The following NDE1 variants were observed in gnomAD, a reference collection of about 807,000 sequenced individuals.
NDE1 encodes the protein nudE neurodevelopment protein 1, also known as nuclear distribution protein nudE homolog 1.
A neutral mutation model predicts 43.4 loss-of-function variants in NDE1; 28 were observed. The observed-to-expected ratio is 0.65, with a 90% CI of 0.48 to 0.89. NDE1 has a LOEUF of 0.89. Among genes scored for constraint, NDE1 ranks in the 40% least tolerant of loss-of-function variants. The pLI is 0.00. For synonymous variants in NDE1, 184 were observed against 172.0 expected, an observed-to-expected ratio of 1.07 and a Z score of -0.55; for missense variants, 441 against 434.1, an observed-to-expected ratio of 1.02 and a Z score of -0.14.
At chr16:15,705,577 C>T (rs1034954411) in intron 8 of NDE1, among the ~76,000 whole-genome samples, 6 of 152,186 alleles carry the variant, frequency 3.9e-5, no homozygotes, top group African/African-American at 1.4e-4. Context: ...AATCGGAAGA[C>T]AGGTCTTATT....
Position 15,725,151 on chromosome 16 carries a change from ACACACACACAC to A in NDE1, c.*901_*911del. On this transcript the variant is annotated 3_prime_UTR_variant, in exon 9 of 9. Transcript: ENST00000396354. Reference sequence around the variant, plus strand: ...GACTCTGATAAAAAAAAAAAAAAACACACACACACACAAAAAAAACAGAATCTGTGGCTTGA... The same window carrying A: ...GACTCTGATAAAAAAAAAAAAAAACAAAAAAAAACAGAATCTGTGGCTTGA... 1 of 641,768 alleles carries A rather than the reference ACACACACACAC, an allele frequency of 1.6e-6. No homozygotes were observed. Among genetic ancestry groups the A allele is most frequent in the East Asian group, 2.7e-5 (1 of 36,692 alleles). The allele number at this position is 641,768 out of a possible 1,614,324, so 39.8% of individuals were successfully genotyped here. A position where few individuals can be genotyped will look rare whatever the true frequency, so the allele number is the denominator to read the frequency against.
chr16:15,681,384 C>T (rs1463014027), intron 4 of NDE1, among the ~76,000 whole-genome samples: 1 of 149,246 alleles, frequency 6.7e-6, no homozygotes, highest in African/African-American at 2.5e-5. Flanking sequence ...CCCACCTCAG[C>T]CTCCTGAGTG....
At chr16:15,701,321 G>C (rs1001555844) in intron 8 of NDE1, 4 of 151,848 alleles carry the variant, frequency 2.6e-5, no homozygotes, top group Admixed American at 1.3e-4. Context: ...AGGTGCGTTC[G>C]AGTTTTCAGA....
intron 8 of NDE1, among the ~76,000 whole-genome samples, chr16:15,702,391 GGGTGGT>G (rs557243865): frequency 6.6e-6 from 1 of 152,122 alleles, no homozygotes; most frequent in Non-Finnish European, 1.5e-5. Context: ...CTGGCTGGGT[GGGTGGT>G]GGTGGTGGTG....
Position 15,720,944 on chromosome 16 carries a change from T to G in NDE1, c.948-3247T>G. ...CCTGCATGTTGACTTCCAGCCGCAG[T>G]TTGGCGTCCTCCGTGGCTTGCAGCT... On this transcript the variant is annotated intron_variant, in intron 8 of 8. Transcript: ENST00000396354. The G allele has an allele frequency of 1.2e-6, 2 of 1,614,040 alleles. No individual in the cohort carries two copies. Among genetic ancestry groups the G allele is most frequent in the Non-Finnish European group, 1.7e-6 (2 of 1,180,012 alleles).
At chr16:15,702,984 A>G (rs1425119288) in intron 8 of NDE1, among the ~76,000 whole-genome samples, 2 of 151,954 alleles carry the variant, frequency 1.3e-5, no homozygotes, top group East Asian at 1.9e-4. Context: ...GTGGGGTTGT[A>G]GGCAATTGAT....
rs189787660 is a variant in NDE1 at position 15,677,863 on chromosome 16, C to T, written c.300C>T (p.Leu100=). ...AGATCTCAGCCTTGGAGGATGACCT[C>T]GCGCAGACCAAAGCCATTAAAGACC... ...YRQISALEDD[L]AQTKAIKDQL... is the part of the protein sequence containing the mutation. Residue 100 remains leucine (L), a synonymous_variant, in exon 4 of 9, where the codon CTC becomes CTT. Coordinates refer to ENST00000396354, the MANE Select transcript of NDE1 (RefSeq NM_017668.3). 2.3e-5 allele frequency: 37 copies of T among 1,614,080 alleles called. No individual in the cohort carries two copies. The highest frequency in any genetic ancestry group is 2.2e-4 in the East Asian group (10 of 44,874).
intron 5 of NDE1, among the ~76,000 whole-genome samples, 183 bp from the exon 6 acceptor site, chr16:15,690,961 C>T (rs1238062050): frequency 6.6e-6 from 1 of 152,120 alleles, no homozygotes; most frequent in Admixed American, 6.6e-5. Flanking sequence ...GTGCCTACTA[C>T]CATGCTGGGC....
intron 7 of NDE1, among the ~76,000 whole-genome samples, chr16:15,696,213 A>C (rs1596636775): frequency 6.6e-6 from 1 of 151,672 alleles, no homozygotes; most frequent in Non-Finnish European, 1.5e-5. Flanking sequence ...TTTTGCATTA[A>C]AAATTTTTTT....
At chr16:15,672,791 G>C (rs1445699162) in intron 3 of NDE1, 1 of 152,170 alleles carries the variant, frequency 6.6e-6, no homozygotes, top group African/African-American at 2.4e-5. Context: ...TTAAGATCCT[G>C]TTTTATTTGG....
chr16:15,655,265 A>C (rs1003639756), intron 1 of NDE1, among the ~76,000 whole-genome samples: 13 of 151,982 alleles, frequency 8.6e-5, no homozygotes, highest in African/African-American at 2.9e-4. Context: ...CAATCCACCC[A>C]CCTCAGCCTC....
chr16:15,680,985 G>A (rs1024290410), intron 4 of NDE1, among the ~76,000 whole-genome samples: 2 of 150,822 alleles, frequency 1.3e-5, no homozygotes, highest in African/African-American at 4.9e-5. Context: ...TTTTATACAT[G>A]TATTTTTCAT....
chr16:15,708,955 C>G, intron 8 of NDE1: 3 of 1,145,968 alleles, frequency 2.6e-6, no homozygotes, highest in South Asian at 1.3e-5. Context: ...TAAAGGCACT[C>G]TTTTTTATTT....
chr16:15,723,608 T>C (rs896746669), intron 8 of NDE1, among the ~76,000 whole-genome samples: 5 of 152,214 alleles, frequency 3.3e-5, no homozygotes, highest in Non-Finnish European at 2.9e-5. Context: ...ATCACACCAC[T>C]GCACTCCAGC....
rs35091023 is a variant in NDE1 at position 15,659,425 on chromosome 16, CTTTTTTTTTTTTTTT to C, written c.-43-5296_-43-5282del. 5.9e-4 allele frequency among the ~76,000 whole-genome samples: 35 copies of C among 58,910 alleles called. 1 individual carries two copies. Among genetic ancestry groups the C allele is most frequent in the African/African-American group, 2.2e-3 (31 of 14,152 alleles). The allele number at this position is 58,910 out of a possible 152,430, so 38.6% of individuals were successfully genotyped here. A position where few individuals can be genotyped will look rare whatever the true frequency, so the allele number is the denominator to read the frequency against. The stretch of plus-strand genomic sequence containing the variant: ...GGAAGGAAGGGACCTTGCACACAAT[CTTTTTTTTTTTTTTT>C]TTTTTTTTTTTTTTGAGAGGAAGTC... On this transcript the variant is annotated intron_variant, in intron 1 of 8. Transcript: ENST00000396354.
intron 8 of NDE1, chr16:15,718,119 A>C: frequency 1.2e-6 from 1 of 806,036 alleles, no homozygotes; most frequent in South Asian, 1.7e-5. Context: ...TGCAGCGTGG[A>C]GAGGAGTATT....
rs1179504295 is a variant in NDE1, at chr16:15,718,739, C to T, written c.948-5452C>T. On this transcript the variant is annotated intron_variant, in intron 8 of 8. Coordinates refer to ENST00000396354, the MANE Select transcript of NDE1 (RefSeq NM_017668.3). ...TATTGGGAATGAATGAAAGCAGCCA[C>T]ACCCCCAAACAGGCATGAAAGCGCT... is the stretch of plus-strand genomic sequence containing the variant. 26 of 503,028 alleles carry T rather than the reference C, an allele frequency of 5.2e-5. No individual in the cohort carries two copies. In the Admixed American group the frequency reaches 8.5e-4, roughly 16 times the overall value. 31.2% of individuals were successfully genotyped at this position (503,028 alleles called of 1,614,324 possible).
chr16:15,694,294 C>T, intron 7 of NDE1, 38 bp downstream of exon 7: 1 of 1,605,614 alleles, frequency 6.2e-7, no homozygotes, highest in Non-Finnish European at 8.5e-7. Flanking sequence ...TGCCTTCCTG[C>T]CTGTCTTTCA....
intron 1 of NDE1, among the ~76,000 whole-genome samples, chr16:15,658,424 C>T (rs951594051): frequency 2.0e-5 from 3 of 152,202 alleles, no homozygotes; most frequent in Non-Finnish European, 4.4e-5. Flanking sequence ...CCACCTCTGT[C>T]ACTGGCTCAT....
Sources: gnomAD v4.1 joint callset for allele counts (sites outside exome capture counted in the v4.1 genomes callset) on GRCh38, gnomAD v4.1.1 for gene constraint, MANE v1.5 for transcripts, NCBI Gene and HGNC (gene_info 2026-07-23, HGNC 2026-07-21) for gene names.